The following HACE1 variants were observed in gnomAD, a reference collection of about 807,000 sequenced individuals.
The protein encoded by HACE1 is HECT domain and ankyrin repeat containing E3 ubiquitin protein ligase 1.
HACE1 carries 73 observed loss-of-function variants against 118.4 expected under a neutral mutation model. The observed-to-expected ratio is 0.62, with a 90% CI of 0.51 to 0.75. The LOEUF (loss-of-function observed/expected upper bound fraction) is 0.75. Ranked by LOEUF, HACE1 falls within the 30% of genes least tolerant of loss-of-function variation. The pLI, the probability that HACE1 is intolerant of heterozygous loss-of-function variation, is 0.00. For missense variants in HACE1, 749 were observed against 1,102.2 expected, an observed-to-expected ratio of 0.68 and a Z score of 4.54; for synonymous variants, 368 against 374.8, an observed-to-expected ratio of 0.98 and a Z score of 0.21.
intron 7 of HACE1, among the ~76,000 whole-genome samples, chr6:104,810,694 C>T (rs75571588): frequency 0.016 from 2,446 of 152,112 alleles, 20 homozygotes; most frequent in Non-Finnish European, 0.026. Context: ...ATGCATGACA[C>T]AGTGAGCGTT....
At chr6:104,817,016 G>A (rs954332045) in intron 6 of HACE1, among the ~76,000 whole-genome samples, 1 of 152,156 alleles carries the variant, frequency 6.6e-6, no homozygotes, top group Non-Finnish European at 1.5e-5. Context: ...CTCAATGCCT[G>A]TACCCCCACT....
chr6:104,849,255 AT>A lies in HACE1; in HGVS notation c.222-10del, dbSNP rs750217284. ...ATTCCACCGATCCACAACTAAAACA[AT>A]ATTAAAAGACAGTTCAGATACATTC... On this transcript the variant is annotated splice_polypyrimidine_tract_variant and intron_variant, in intron 3 of 23. Coordinates refer to ENST00000262903, the MANE Select transcript of HACE1 (RefSeq NM_020771.4). 2 of 1,503,024 alleles carry A rather than the reference AT, an allele frequency of 1.3e-6. No homozygotes were observed. The highest frequency in any genetic ancestry group is 2.3e-5 in the South Asian group (2 of 88,886). 93.1% of individuals were successfully genotyped at this position (1,503,024 alleles called of 1,614,324 possible).
At position 104,744,527 on chromosome 6, in the gene HACE1, T is replaced by C; in HGVS notation, c.2427A>G (p.Glu809=). The C allele has an allele frequency of 6.4e-7, 1 of 1,570,282 alleles. No individual in the cohort carries two copies. The highest frequency in any genetic ancestry group is 8.8e-7 in the Non-Finnish European group (1 of 1,140,058). Residue 809 remains glutamate, a synonymous_variant, in exon 21 of 24, where the codon GAA becomes GAG. Transcript: ENST00000262903. ...NTEYTSGYER[E]DPVIQWFWEV... ...GAAATTTTACCTGAATAACTGGATCTTCTCTTTCATAGCCACTTGTGTATT... is the reference window on the plus strand; with the variant it reads ...GAAATTTTACCTGAATAACTGGATCCTCTCTTTCATAGCCACTTGTGTATT...
chr6:104,799,879 T>C (rs1215850837), intron 7 of HACE1, among the ~76,000 whole-genome samples: 2 of 129,902 alleles, frequency 1.5e-5, no homozygotes, highest in African/African-American at 6.3e-5. Flanking sequence ...TGGGACTGGT[T>C]GGACAGTAGG....
At chr6:104,808,779 A>T (rs1426103307) in intron 7 of HACE1, among the ~76,000 whole-genome samples, 1 of 152,142 alleles carries the variant, frequency 6.6e-6, no homozygotes, top group African/African-American at 2.4e-5. Flanking sequence ...TATATTTTTA[A>T]TTTATACCTG....
intron 6 of HACE1, among the ~76,000 whole-genome samples, chr6:104,821,123 G>A (rs1366372532): frequency 6.6e-6 from 1 of 152,122 alleles, no homozygotes; most frequent in East Asian, 1.9e-4. Context: ...TCTCTAATAA[G>A]TGGGAGCTCA....
intron 6 of HACE1, among the ~76,000 whole-genome samples, chr6:104,818,934 T>C (rs1024506135): frequency 6.6e-6 from 1 of 152,074 alleles, no homozygotes; most frequent in Non-Finnish European, 1.5e-5. Context: ...GCCAGTATCA[T>C]AATGAATGGG....
At chr6:104,730,642 TG>T (rs1484259870) in intron 22 of HACE1, 2 of 512,378 alleles carry the variant, frequency 3.9e-6, no homozygotes, top group African/African-American at 3.9e-5. Context: ...ATACTATGCT[TG>T]CAACTGGCCA....
At chr6:104,845,168 TA>T (rs1337983896) in intron 4 of HACE1, among the ~76,000 whole-genome samples, 2 of 152,040 alleles carry the variant, frequency 1.3e-5, no homozygotes, top group Non-Finnish European at 2.9e-5. Context: ...GTATATACTA[TA>T]CATGAATATA....
At chr6:104,795,817 A>G in intron 9 of HACE1, 132 bp from the exon 10 acceptor site, 1 of 640,992 alleles carries the variant, frequency 1.6e-6, no homozygotes, top group Non-Finnish European at 2.8e-6. Context: ...TGTCTTGCAT[A>G]AGTTTAAAAG....
intron 19 of HACE1, among the ~76,000 whole-genome samples, chr6:104,752,670 A>G (rs1582664358): frequency 2.0e-5 from 3 of 152,226 alleles, no homozygotes; most frequent in East Asian, 3.9e-4. Flanking sequence ...ATTGCATTCC[A>G]TATCTATCAG....
chr6:104,843,212 A>G lies in HACE1; in HGVS notation c.402+11T>C. The stretch of plus-strand genomic sequence containing the variant: ...ACTTTTAAAACATCAGATGAAATTG[A>G]TAGCACTTACTGCTGTAAGGCCTTC... On this transcript the variant is annotated intron_variant, in intron 5 of 23. Coordinates refer to ENST00000262903, the MANE Select transcript of HACE1 (RefSeq NM_020771.4). 3 of 1,291,700 alleles carry G rather than the reference A, an allele frequency of 2.3e-6. No individual in the cohort carries two copies. The highest frequency in any genetic ancestry group is 3.4e-6 in the Non-Finnish European group (3 of 886,016). The allele number at this position is 1,291,700 out of a possible 1,614,324, so 80.0% of individuals were successfully genotyped here. A position where few individuals can be genotyped will look rare whatever the true frequency, so the allele number is the denominator to read the frequency against.
chr6:104,823,363 G>A (rs1227073178), intron 6 of HACE1, among the ~76,000 whole-genome samples: 4 of 151,946 alleles, frequency 2.6e-5, no homozygotes, highest in Non-Finnish European at 5.9e-5. Flanking sequence ...GAACCTGGGA[G>A]GCAGAGGTTG....
intron 17 of HACE1, among the ~76,000 whole-genome samples, chr6:104,774,133 A>G (rs1780954468): frequency 1.0e-5 from 1 of 95,550 alleles, no homozygotes; most frequent in Non-Finnish European, 1.8e-5. Context: ...TCTGTCGCCC[A>G]GGCTGGAGTG....
chr6:104,796,647 T>C lies in HACE1; in HGVS notation c.816+8A>G, dbSNP rs532303626. The C allele has an allele frequency of 8.2e-5, 107 of 1,300,090 alleles. 1 individual carries two copies. In the South Asian group the frequency reaches 1.2e-3, roughly 14 times the overall value. 80.5% of individuals were successfully genotyped at this position (1,300,090 alleles called of 1,614,324 possible). A position where few individuals can be genotyped will look rare whatever the true frequency, so the allele number is the denominator to read the frequency against. ...TTCATTTACAAGCTACTATCACAAA[T>C]ACAATACCATGTTTTCTCGGAGGTC... On this transcript the variant is annotated splice_region_variant and intron_variant, in intron 9 of 23. Transcript: ENST00000262903.
Position 104,777,181 on chromosome 6 carries a change from A to G in HACE1, c.1678+25T>C, listed in dbSNP as rs778857086. ...AAAAAGCACTTTGTGCTTCACACAT[A>G]TATCAGTTTCTTTGTTAAGCATACC... On this transcript the variant is annotated intron_variant, in intron 15 of 23. Transcript: ENST00000262903. 9.0e-6 allele frequency: 14 copies of G among 1,560,216 alleles called. No individual in the cohort carries two copies. In the South Asian group the frequency reaches 1.0e-4, roughly 11 times the overall value.
chr6:104,818,862 A>C (rs1327019864), intron 6 of HACE1, among the ~76,000 whole-genome samples: 1 of 152,206 alleles, frequency 6.6e-6, no homozygotes, highest in East Asian at 1.9e-4. Flanking sequence ...AAAACTCTTA[A>C]AAAACTAGGT....
Position 104,777,332 on chromosome 6 carries a change from A to C in HACE1, c.1567-15T>G, listed in dbSNP as rs1333273700. ...TCTTTAAAAGGCTAGCTCAAAAAAT[A>C]AGAGTAAAATATGTTAGCAGTGTAT... On this transcript the variant is annotated splice_polypyrimidine_tract_variant and intron_variant, in intron 14 of 23. Coordinates refer to ENST00000262903, the MANE Select transcript of HACE1 (RefSeq NM_020771.4). 1 of 1,499,308 alleles carries C rather than the reference A, an allele frequency of 6.7e-7. No individual in the cohort carries two copies. The highest frequency in any genetic ancestry group is 9.3e-7 in the Non-Finnish European group (1 of 1,075,068). 92.9% of individuals were successfully genotyped at this position (1,499,308 alleles called of 1,614,324 possible).
chr6:104,859,556 A>T lies in HACE1; in HGVS notation c.76+11T>A, dbSNP rs917430292. 4.6e-6 allele frequency: 7 copies of T among 1,513,272 alleles called. No homozygotes were observed. The highest frequency in any genetic ancestry group is 5.3e-6 in the Non-Finnish European group (6 of 1,136,446). 93.7% of individuals were successfully genotyped at this position (1,513,272 alleles called of 1,614,324 possible). A position where few individuals can be genotyped will look rare whatever the true frequency, so the allele number is the denominator to read the frequency against. On this transcript the variant is annotated intron_variant, in intron 1 of 23. Coordinates refer to ENST00000262903, the MANE Select transcript of HACE1 (RefSeq NM_020771.4). The stretch of plus-strand genomic sequence containing the variant: ...GCCCCGCGGCCAGCCTGGCCCCGCG[A>T]CCCGGCTCACCCTCGGGCAACTCCA...
Sources: allele counts gnomAD v4.1 joint callset (sites outside exome capture counted in the v4.1 genomes callset), GRCh38; gene constraint gnomAD v4.1.1; transcripts MANE v1.5; gene names NCBI Gene and HGNC (gene_info 2026-07-23, HGNC 2026-07-21).